The following PLCL1 variants were observed in gnomAD, a reference collection of about 807,000 sequenced individuals.
PLCL1 encodes inactive phospholipase C-like protein 1.
Under a neutral mutation model 84.4 loss-of-function variants are expected in PLCL1, and 41 were observed. That is an observed-to-expected ratio of 0.49 (90% CI 0.38 to 0.63). The LOEUF (loss-of-function observed/expected upper bound fraction) is 0.63. PLCL1 is among the 30% of genes least tolerant of loss of function. The pLI is 0.00. For synonymous variants in PLCL1, 490 were observed against 488.3 expected, an observed-to-expected ratio of 1.00 and a Z score of -0.05; for missense variants, 1,206 against 1,367.8, an observed-to-expected ratio of 0.88 and a Z score of 1.87.
chr2:198,132,620 A>G (rs1694146268), intron 5 of PLCL1, among the ~76,000 whole-genome samples: 1 of 152,162 alleles, frequency 6.6e-6, no homozygotes, highest in Non-Finnish European at 1.5e-5. Context: ...AGGCCTTATC[A>G]TGACACTCAC....
intron 1 of PLCL1, among the ~76,000 whole-genome samples, chr2:197,901,596 G>A (rs141103295): frequency 6.6e-6 from 1 of 152,304 alleles, no homozygotes; most frequent in East Asian, 1.9e-4. Context: ...AGCGTGGAAA[G>A]TGTACCTTAA....
chr2:197,888,057 A>T (rs1361690233), intron 1 of PLCL1, among the ~76,000 whole-genome samples: 2 of 151,112 alleles, frequency 1.3e-5, no homozygotes, highest in African/African-American at 4.9e-5. Flanking sequence ...GTGCCACTGG[A>T]CTCTAGCCTG....
chr2:197,815,143 T>G (rs1429905275), intron 1 of PLCL1, among the ~76,000 whole-genome samples: 1 of 152,208 alleles, frequency 6.6e-6, no homozygotes, highest in Non-Finnish European at 1.5e-5. Flanking sequence ...GTGAAATCAA[T>G]GCCTGGCTTC....
intron 1 of PLCL1, among the ~76,000 whole-genome samples, chr2:197,995,740 C>T (rs543839265): frequency 4.6e-5 from 7 of 152,134 alleles, no homozygotes; most frequent in Admixed American, 1.3e-4. Flanking sequence ...CCTGGGTGGC[C>T]AGTGTACAGG....
intron 1 of PLCL1, among the ~76,000 whole-genome samples, chr2:198,083,039 A>C (rs1393039376): frequency 6.6e-6 from 1 of 152,232 alleles, no homozygotes; most frequent in Non-Finnish European, 1.5e-5. Context: ...TTTGAAATTT[A>C]ACTTATATTG....
intron 5 of PLCL1, among the ~76,000 whole-genome samples, chr2:198,125,025 G>A (rs1256912549): frequency 3.9e-5 from 6 of 152,024 alleles, no homozygotes; most frequent in Non-Finnish European, 8.8e-5. Flanking sequence ...TACCATAATG[G>A]ACAACAGAGA....
At chr2:198,108,786 T>A (rs1693549819) in intron 5 of PLCL1, among the ~76,000 whole-genome samples, 1 of 151,954 alleles carries the variant, frequency 6.6e-6, no homozygotes, top group Non-Finnish European at 1.5e-5. Context: ...AGCACCTACG[T>A]GGGTCCAGTA....
chr2:198,110,612 C>T (rs904010735), intron 5 of PLCL1, among the ~76,000 whole-genome samples: 1 of 151,880 alleles, frequency 6.6e-6, no homozygotes, highest in Non-Finnish European at 1.5e-5. Flanking sequence ...GCATCCATCT[C>T]TGAAAGCTGA....
chr2:197,894,627 C>T (rs557438473), intron 1 of PLCL1, among the ~76,000 whole-genome samples: 7 of 151,892 alleles, frequency 4.6e-5, no homozygotes, highest in South Asian at 2.1e-4. Context: ...AAACTGTGGC[C>T]GCTTGTCTTA....
chr2:198,093,412 CTG>C (rs1231671496), intron 3 of PLCL1, among the ~76,000 whole-genome samples: 1 of 152,130 alleles, frequency 6.6e-6, no homozygotes, highest in African/African-American at 2.4e-5. Flanking sequence ...GGTGAGGACT[CTG>C]TACTTTCCAT....
Position 198,088,917 on chromosome 2 carries a change from G to A in PLCL1, c.2775G>A (p.Gln925=). The change falls in exon 3 of 6, where the codon CAG becomes CAA. Residue 925 remains glutamine (Q), a synonymous_variant. Coordinates refer to ENST00000428675, the MANE Select transcript of PLCL1 (RefSeq NM_006226.4). Reference sequence around the variant, plus strand: ...TCCCTCCAATTGCCAGTCTGAAGCAGTGCCTGTTAACTCTGTCATCTCGGC... The same window carrying A: ...TCCCTCCAATTGCCAGTCTGAAGCAATGCCTGTTAACTCTGTCATCTCGGC... ...CGLPPIASLK[Q]CLLTLSSRLI... is the part of the protein sequence containing the mutation. 2 of 1,613,120 alleles carry A rather than the reference G, an allele frequency of 1.2e-6. No individual in the cohort carries two copies. The highest frequency in any genetic ancestry group is 1.7e-6 in the Non-Finnish European group (2 of 1,179,074).
chr2:198,130,813 A>G (rs1304088856), intron 5 of PLCL1, among the ~76,000 whole-genome samples: 1 of 152,144 alleles, frequency 6.6e-6, no homozygotes, highest in Non-Finnish European at 1.5e-5. Flanking sequence ...CATAGCCGTC[A>G]CCTTAGTTAT....
chr2:198,026,555 A>G (rs545275259), intron 1 of PLCL1, among the ~76,000 whole-genome samples: 1 of 152,354 alleles, frequency 6.6e-6, no homozygotes, highest in East Asian at 1.9e-4. Flanking sequence ...AATTGTTAAC[A>G]TCATCATATT....
intron 1 of PLCL1, among the ~76,000 whole-genome samples, chr2:198,081,859 A>G (rs1212774383): frequency 6.6e-6 from 1 of 152,182 alleles, no homozygotes; most frequent in Non-Finnish European, 1.5e-5. Context: ...GGCCCCAAAG[A>G]AGATATTTTA....
At position 197,818,771 on chromosome 2, in the gene PLCL1, G is replaced by A. The variant is rs1164626008; in HGVS notation, c.240+13432G>A. Among the ~76,000 whole-genome samples the A allele has an allele frequency of 1.1e-4, 16 of 152,114 alleles. No homozygotes were observed. In the East Asian group the frequency reaches 2.9e-3, roughly 28 times the overall value. On this transcript the variant is annotated intron_variant, in intron 1 of 5. Coordinates refer to ENST00000428675, the MANE Select transcript of PLCL1 (RefSeq NM_006226.4). ...CATAAGTTCAGACTGGTGTCTTTCTGTCTCTTCTTGAAAGACACTGAGTTA... is the reference window on the plus strand; with the variant it reads ...CATAAGTTCAGACTGGTGTCTTTCTATCTCTTCTTGAAAGACACTGAGTTA...
At chr2:198,031,162 G>T (rs1450680117) in intron 1 of PLCL1, among the ~76,000 whole-genome samples, 1 of 150,002 alleles carries the variant, frequency 6.7e-6, no homozygotes, top group Non-Finnish European at 1.5e-5. Context: ...CCTGAGCATA[G>T]GAGCTCAACA....
chr2:198,112,860 T>C (rs1476935483), intron 5 of PLCL1, among the ~76,000 whole-genome samples: 1 of 151,738 alleles, frequency 6.6e-6, no homozygotes, highest in African/African-American at 2.4e-5. Flanking sequence ...CTCAACTCAC[T>C]TGGAATCTTA....
chr2:198,011,957 A>G (rs1294276311), intron 1 of PLCL1, among the ~76,000 whole-genome samples: 4 of 152,106 alleles, frequency 2.6e-5, no homozygotes, highest in African/African-American at 9.7e-5. Context: ...TTTACATAGA[A>G]TATCTTTTTT....
intron 1 of PLCL1, among the ~76,000 whole-genome samples, chr2:198,025,487 G>A (rs1436041700): frequency 6.6e-6 from 1 of 151,844 alleles, no homozygotes; most frequent in East Asian, 1.9e-4. Context: ...TCATTAGGTT[G>A]CACACTGATA....
Sources: gnomAD v4.1 joint callset for allele counts (sites outside exome capture counted in the v4.1 genomes callset) on GRCh38, gnomAD v4.1.1 for gene constraint, MANE v1.5 for transcripts, NCBI Gene and HGNC (gene_info 2026-07-23, HGNC 2026-07-21) for gene names.